TUBB2B: variants seen among roughly 807,000 people sequenced by gnomAD.
The protein encoded by TUBB2B is tubulin beta-2B chain.
In TUBB2B, 5 loss-of-function variants were observed where a neutral mutation model predicts 35.0. The ratio of observed to expected loss-of-function variants is 0.14; its 90% confidence interval spans 0.07 to 0.30. The LOEUF is 0.30. Ranked by LOEUF, TUBB2B falls within the 10% of genes least tolerant of loss-of-function variation. The pLI is 1.00. For synonymous variants in TUBB2B, 166 were observed against 250.5 expected, an observed-to-expected ratio of 0.66 and a Z score of 3.18; for missense variants, 63 against 601.8, an observed-to-expected ratio of 0.10 and a Z score of 9.37.
Position 3,226,717 on chromosome 6 carries a change from G to A in TUBB2B, c.58-48C>T. The A allele has an allele frequency of 1.4e-6, 2 of 1,480,826 alleles. No homozygotes were observed. The highest frequency in any genetic ancestry group is 1.7e-4 in the Middle Eastern group (1 of 5,838). 91.7% of individuals were successfully genotyped at this position (1,480,826 alleles called of 1,614,324 possible). On this transcript the variant is annotated intron_variant, in intron 1 of 3. Transcript: ENST00000259818. This position sits in a 1 kb window ranked among gnomAD's most constrained non-coding sequence, Gnocchi z 5.5. ...AGCCATGAACGATGCCCCCAGAAAC[G>A]CCAAGGCTCACAATGAAATGTCCCC...
In TUBB2B at chr6:3,226,717, G is replaced by T; in HGVS notation, c.58-48C>A. The T allele has an allele frequency of 6.8e-7, 1 of 1,480,830 alleles. No individual in the cohort carries two copies. The highest frequency in any genetic ancestry group is 9.4e-7 in the Non-Finnish European group (1 of 1,058,576). The allele number at this position is 1,480,830 out of a possible 1,614,324, so 91.7% of individuals were successfully genotyped here. ...AGCCATGAACGATGCCCCCAGAAAC[G>T]CCAAGGCTCACAATGAAATGTCCCC... On this transcript the variant is annotated intron_variant, in intron 1 of 3. Coordinates refer to ENST00000259818, the MANE Select transcript of TUBB2B (RefSeq NM_178012.5). The surrounding 1 kb of genome is among the most constrained non-coding windows in gnomAD (Gnocchi z 5.5).
In TUBB2B at chr6:3,227,632, G is replaced by C. The variant is rs1053197850; in HGVS notation, c.-89C>G. 3.2e-6 allele frequency: 5 copies of C among 1,556,222 alleles called. No homozygotes were observed. In the Admixed American group the frequency reaches 9.2e-5, roughly 29 times the overall value. On this transcript the variant is annotated 5_prime_UTR_variant, in exon 1 of 4. Transcript: ENST00000259818. The surrounding 1 kb of genome is among the most constrained non-coding windows in gnomAD (Gnocchi z 7.8). ...CCCACTGCGGGGTCACCGGGAAGGCGCTCGGGAACCGACGGGCTGAGAGCG... is the reference window on the plus strand; with the variant it reads ...CCCACTGCGGGGTCACCGGGAAGGCCCTCGGGAACCGACGGGCTGAGAGCG...
At position 3,224,976 on chromosome 6, in the gene TUBB2B, G is replaced by A. The variant is rs1311880702; in HGVS notation, c.1113C>T (p.Ser371=). Residue 371 remains serine (S), a synonymous_variant, in exon 4 of 4, where the codon AGC becomes AGT. Coordinates refer to ENST00000259818, the MANE Select transcript of TUBB2B (RefSeq NM_178012.5). ...GCTTGAACAGCTCCTGGATGGCCGTGCTGTTGCCGATGAAGGTGGCCGACA... is the reference window on the plus strand; with the variant it reads ...GCTTGAACAGCTCCTGGATGGCCGTACTGTTGCCGATGAAGGTGGCCGACA... ...LKMSATFIGN[S]TAIQELFKRI... 2.7e-6 allele frequency: 4 copies of A among 1,485,080 alleles called. No homozygotes were observed. The highest frequency in any genetic ancestry group is 3.9e-5 in the Admixed American group (2 of 51,724). The allele number at this position is 1,485,080 out of a possible 1,614,324, so 92.0% of individuals were successfully genotyped here.
Position 3,227,341 on chromosome 6 carries a change from C to A in TUBB2B, c.57+146G>T. 1 of 1,082,922 alleles carries A rather than the reference C, an allele frequency of 9.2e-7. No individual in the cohort carries two copies. Among genetic ancestry groups the A allele is most frequent in the South Asian group, 1.5e-5 (1 of 67,708 alleles). 67.1% of individuals were successfully genotyped at this position (1,082,922 alleles called of 1,614,324 possible). ...CGTCCGCGAAAGTCACCTCCTAGCC[C>A]AGGCCACACTCGGCGGCACAAAGCG... is the stretch of plus-strand genomic sequence containing the variant. On this transcript the variant is annotated intron_variant, in intron 1 of 3. Coordinates refer to ENST00000259818, the MANE Select transcript of TUBB2B (RefSeq NM_178012.5). The surrounding 1 kb of genome is among the most constrained non-coding windows in gnomAD (Gnocchi z 7.8).
In TUBB2B at chr6:3,227,557, C is replaced by T. The variant is rs1174896325; in HGVS notation, c.-14G>A. 1.2e-6 allele frequency: 2 copies of T among 1,610,592 alleles called. No homozygotes were observed. The highest frequency in any genetic ancestry group is 1.7e-6 in the Non-Finnish European group (2 of 1,179,688). The stretch of plus-strand genomic sequence containing the variant: ...GATCTCACGCATGGTGCCTCGTCAG[C>T]GTCCTCCTGGTCCGGCGGCGTCTGG... On this transcript the variant is annotated 5_prime_UTR_variant, in exon 1 of 4. Coordinates refer to ENST00000259818, the MANE Select transcript of TUBB2B (RefSeq NM_178012.5). The surrounding 1 kb of genome is among the most constrained non-coding windows in gnomAD (Gnocchi z 7.8).
At position 3,226,661 on chromosome 6, in the gene TUBB2B, C is replaced by T. The variant is rs1757291202; in HGVS notation, c.66G>A (p.Glu22=). 2.5e-6 allele frequency: 4 copies of T among 1,613,780 alleles called. No homozygotes were observed. Among genetic ancestry groups the T allele is most frequent in the African/African-American group, 2.7e-5 (2 of 74,896 alleles). ...CGNQIGAKFW[E]VISDEHGIDP... is the part of the protein sequence containing the mutation. ...CAATCCCATGCTCATCACTGATGACCTCCCAAAACTGAGACAGAAAGGCTG... is the reference window on the plus strand; with the variant it reads ...CAATCCCATGCTCATCACTGATGACTTCCCAAAACTGAGACAGAAAGGCTG... Residue 22 remains glutamate (E), a synonymous_variant, in exon 2 of 4, where the codon GAG becomes GAA. Coordinates refer to ENST00000259818, the MANE Select transcript of TUBB2B (RefSeq NM_178012.5). This position sits in a 1 kb window ranked among gnomAD's most constrained non-coding sequence, Gnocchi z 5.5.
chr6:3,225,555 C>G lies in TUBB2B; in HGVS notation c.534G>C (p.Thr178=), dbSNP rs765021378. 2 of 1,614,048 alleles carry G rather than the reference C, an allele frequency of 1.2e-6. No individual in the cohort carries two copies. Among genetic ancestry groups the G allele is most frequent in the East Asian group, 2.2e-5 (1 of 44,890 alleles). Residue 178 remains threonine (T), a synonymous_variant, in exon 4 of 4, where the codon ACG becomes ACC. Transcript: ENST00000259818. ...GGGTGGCGTTGTAGGGCTCCACCAC[C>G]GTGTCTGACACCTTGGGTGAGGGCA... ...SVMPSPKVSD[T]VVEPYNATLS...
chr6:3,227,531 C>T lies in TUBB2B; in HGVS notation c.13G>A (p.Val5Met), dbSNP rs1181218477. 6.2e-7 allele frequency: 1 copy of T among 1,610,676 alleles called. No individual in the cohort carries two copies. Among genetic ancestry groups the T allele is most frequent in the Non-Finnish European group, 8.5e-7 (1 of 1,179,742 alleles). ...CCGCACTGGCCCGCCTGGATGTGCA[C>T]GATCTCACGCATGGTGCCTCGTCAG... is the stretch of plus-strand genomic sequence containing the variant. MREI[V>M]HIQAGQCGNQ... The change falls in exon 1 of 4, where the codon GTG becomes ATG. Residue 5 changes from valine to methionine, a missense_variant. By Grantham distance (21) the Val-to-Met change is conservative. This residue lies in a region of TUBB2B where 25 missense variants were observed against 120.4 expected (regional missense o/e 0.21). Coordinates refer to ENST00000259818, the MANE Select transcript of TUBB2B (RefSeq NM_178012.5). This position sits in a 1 kb window ranked among gnomAD's most constrained non-coding sequence, Gnocchi z 7.8.
At chr6:3,225,858 A>C (rs1234806494) in intron 3 of TUBB2B, 47 bp from the exon 4 acceptor site, 5 of 1,611,550 alleles carry the variant, frequency 3.1e-6, no homozygotes, top group Non-Finnish European at 4.2e-6. Flanking sequence ...ATTGTACTAA[A>C]TACCTTACCT....
rs891541588 is a variant in TUBB2B at position 3,227,349 on chromosome 6, A to T, written c.57+138T>A. The T allele has an allele frequency of 2.6e-6, 3 of 1,157,804 alleles. No homozygotes were observed. The African/African-American group carries it at 4.6e-5, about 18-fold the overall frequency. The allele number at this position is 1,157,804 out of a possible 1,614,324, so 71.7% of individuals were successfully genotyped here. ...AAAGTCACCTCCTAGCCCAGGCCACACTCGGCGGCACAAAGCGGCCAGGAA... is the reference window on the plus strand; with the variant it reads ...AAAGTCACCTCCTAGCCCAGGCCACTCTCGGCGGCACAAAGCGGCCAGGAA... On this transcript the variant is annotated intron_variant, in intron 1 of 3. Coordinates refer to ENST00000259818, the MANE Select transcript of TUBB2B (RefSeq NM_178012.5). The surrounding 1 kb of genome is among the most constrained non-coding windows in gnomAD (Gnocchi z 7.8).
Position 3,227,445 on chromosome 6 carries a change from G to C in TUBB2B, c.57+42C>G. ...GGACCCCGAGGGGCTCTCGGCCCAG[G>C]TTCGCGCCCCCATTGGACCCCCTCC... On this transcript the variant is annotated intron_variant, in intron 1 of 3. Transcript: ENST00000259818. This position sits in a 1 kb window ranked among gnomAD's most constrained non-coding sequence, Gnocchi z 7.8. The C allele has an allele frequency of 6.2e-7, 1 of 1,600,948 alleles. No individual in the cohort carries two copies. The highest frequency in any genetic ancestry group is 1.3e-5 in the African/African-American group (1 of 74,924).
chr6:3,227,393 C>A lies in TUBB2B; in HGVS notation c.57+94G>T. 5 of 1,530,264 alleles carry A rather than the reference C, an allele frequency of 3.3e-6. No individual in the cohort carries two copies. Among genetic ancestry groups the A allele is most frequent in the Non-Finnish European group, 3.5e-6 (4 of 1,131,118 alleles). 94.8% of individuals were successfully genotyped at this position (1,530,264 alleles called of 1,614,324 possible). ...CCAGGAAGGTCTGCATTTGGCGATCCCCAGGCCTTCCCAGGACCGCGCCTG... is the reference window on the plus strand; with the variant it reads ...CCAGGAAGGTCTGCATTTGGCGATCACCAGGCCTTCCCAGGACCGCGCCTG... On this transcript the variant is annotated intron_variant, in intron 1 of 3. Transcript: ENST00000259818. This position sits in a 1 kb window ranked among gnomAD's most constrained non-coding sequence, Gnocchi z 7.8.
In TUBB2B at chr6:3,227,174, G is replaced by C. The variant is rs921264596; in HGVS notation, c.57+313C>G. Among the ~76,000 whole-genome samples, 1 of 152,102 alleles carries C rather than the reference G, an allele frequency of 6.6e-6. No individual in the cohort carries two copies. The highest frequency in any genetic ancestry group is 2.1e-4 in the South Asian group (1 of 4,834). The stretch of plus-strand genomic sequence containing the variant: ...CTCCTGGTGTCCCAGCCCCTCGCGC[G>C]GAGCGCCGCGCACAGCCTCGCGGAC... On this transcript the variant is annotated intron_variant, in intron 1 of 3. Coordinates refer to ENST00000259818, the MANE Select transcript of TUBB2B (RefSeq NM_178012.5). The surrounding 1 kb of genome is among the most constrained non-coding windows in gnomAD (Gnocchi z 7.8).
chr6:3,227,647 G>T lies in TUBB2B; in HGVS notation c.-104C>A. The T allele has an allele frequency of 6.7e-7, 1 of 1,502,522 alleles. No individual in the cohort carries two copies. The highest frequency in any genetic ancestry group is 9.0e-7 in the Non-Finnish European group (1 of 1,107,574). The allele number at this position is 1,502,522 out of a possible 1,614,324, so 93.1% of individuals were successfully genotyped here. ...CCGGGAAGGCGCTCGGGAACCGACG[G>T]GCTGAGAGCGCCGGCCCCGCGGGCT... is the stretch of plus-strand genomic sequence containing the variant. On this transcript the variant is annotated 5_prime_UTR_variant, in exon 1 of 4. Coordinates refer to ENST00000259818, the MANE Select transcript of TUBB2B (RefSeq NM_178012.5). The surrounding 1 kb of genome is among the most constrained non-coding windows in gnomAD (Gnocchi z 7.8).
chr6:3,225,862 C>T (rs1268933394), intron 3 of TUBB2B, 51 bp from the exon 4 acceptor site: 1 of 1,610,354 alleles, frequency 6.2e-7, no homozygotes. Flanking sequence ...TACTAAATAC[C>T]TTACCTCAAA....
rs769823467 is a variant in TUBB2B, at chr6:3,226,355, G to A, written c.167-86C>T. 2.3e-6 allele frequency: 3 copies of A among 1,284,174 alleles called. No homozygotes were observed. The highest frequency in any genetic ancestry group is 3.4e-6 in the Non-Finnish European group (3 of 893,054). The allele number at this position is 1,284,174 out of a possible 1,614,324, so 79.5% of individuals were successfully genotyped here. A position where few individuals can be genotyped will look rare whatever the true frequency, so the allele number is the denominator to read the frequency against. On this transcript the variant is annotated intron_variant, in intron 2 of 3. Transcript: ENST00000259818. This position sits in a 1 kb window ranked among gnomAD's most constrained non-coding sequence, Gnocchi z 5.5. ...CGCCTGCTGCCATCATGCAGATGTT[G>A]CCCCAAACAAAGGGAGACCCACCAT...
Position 3,226,055 on chromosome 6 carries a change from C to G in TUBB2B, c.277+104G>C. 6 of 1,371,208 alleles carry G rather than the reference C, an allele frequency of 4.4e-6. No homozygotes were observed. The highest frequency in any genetic ancestry group is 6.2e-6 in the Non-Finnish European group (6 of 968,158). The allele number at this position is 1,371,208 out of a possible 1,614,324, so 84.9% of individuals were successfully genotyped here. On this transcript the variant is annotated intron_variant, in intron 3 of 3. Transcript: ENST00000259818. The surrounding 1 kb of genome is among the most constrained non-coding windows in gnomAD (Gnocchi z 5.5). ...CTATATTAAAGCTAAGTTGGCACACCGCGGATGTTCTTCATGCTTTCCCTC... is the reference window on the plus strand; with the variant it reads ...CTATATTAAAGCTAAGTTGGCACACGGCGGATGTTCTTCATGCTTTCCCTC...
At chr6:3,225,854 C>A in intron 3 of TUBB2B, 43 bp from the exon 4 acceptor site, 1 of 1,612,242 alleles carries the variant, frequency 6.2e-7, no homozygotes, top group African/African-American at 1.3e-5. Flanking sequence ...GGTGATTGTA[C>A]TAAATACCTT....
chr6:3,225,618 T>C lies in TUBB2B; in HGVS notation c.471A>G (p.Glu157=), dbSNP rs1232060671. ...MGTLLISKIR[E]EYPDRIMNTF... is the part of the protein sequence containing the mutation. The stretch of plus-strand genomic sequence containing the variant: ...TGTTCATGATGCGGTCTGGGTACTC[T>C]TCCCGGATCTTGCTGATGAGCAGGG... Residue 157 remains glutamate (E), a synonymous_variant, in exon 4 of 4, where the codon GAA becomes GAG. Transcript: ENST00000259818. 3 of 1,613,784 alleles carry C rather than the reference T, an allele frequency of 1.9e-6. No homozygotes were observed. The highest frequency in any genetic ancestry group is 2.5e-6 in the Non-Finnish European group (3 of 1,179,916).
Sources: gnomAD v4.1 joint callset for allele counts (sites outside exome capture counted in the v4.1 genomes callset) on GRCh38, gnomAD v4.1.1 for gene constraint, gnomAD v4.1.1 regional missense constraint, Gnocchi (gnomAD v3.1) non-coding constraint, MANE v1.5 for transcripts, NCBI Gene and HGNC (gene_info 2026-07-23, HGNC 2026-07-21) for gene names.